CPM: variants seen among roughly 807,000 people sequenced by gnomAD.
CPM encodes the protein renal carboxypeptidase.
A neutral mutation model predicts 46.4 loss-of-function variants in CPM; 35 were observed. That is an observed-to-expected ratio of 0.75 (90% CI 0.58 to 1.00). The LOEUF (loss-of-function observed/expected upper bound fraction) is 1.00, where lower values mean the gene tolerates loss of function less well. Ranked by LOEUF, CPM falls within the 50% of genes least tolerant of loss-of-function variation. The pLI, the probability that CPM is intolerant of heterozygous loss-of-function variation, is 0.00. For missense variants in CPM, 422 were observed against 530.4 expected, an observed-to-expected ratio of 0.80 and a Z score of 2.01; for synonymous variants, 195 against 195.3, an observed-to-expected ratio of 1.00 and a Z score of 0.01.
At chr12:68,961,939 G>A (rs573518255) in intron 1 of CPM, among the ~76,000 whole-genome samples, 14 of 151,810 alleles carry the variant, frequency 9.2e-5, no homozygotes, top group Middle Eastern at 3.4e-3. Context: ...GGTGGCTCAT[G>A]TCTGTAATCC....
chr12:68,901,897 G>A (rs935434893), intron 2 of CPM, among the ~76,000 whole-genome samples: 2 of 152,114 alleles, frequency 1.3e-5, no homozygotes, highest in African/African-American at 4.8e-5. Context: ...GGGGAGAGGG[G>A]AGGGGATGGC....
intron 2 of CPM, among the ~76,000 whole-genome samples, chr12:68,915,455 C>T (rs768027761): frequency 6.6e-6 from 1 of 152,206 alleles, no homozygotes; most frequent in African/African-American, 2.4e-5. Context: ...TTTTCCCAGT[C>T]GCTTTACCTG....
chr12:68,943,258 G>A (rs1172690965), intron 1 of CPM, among the ~76,000 whole-genome samples: 1 of 152,112 alleles, frequency 6.6e-6, no homozygotes, highest in Non-Finnish European at 1.5e-5. Flanking sequence ...GCTAACTCAT[G>A]GTATTGATCT....
upstream of CPM, chr12:68,933,191 G>T (rs903976522): frequency 1.2e-5 from 2 of 160,318 alleles, no homozygotes; most frequent in South Asian, 3.7e-4. Flanking sequence ...CGGCGGGGCC[G>T]GGTGTTATAG....
chr12:68,892,961 T>C (rs940417769), intron 2 of CPM, among the ~76,000 whole-genome samples: 1 of 151,820 alleles, frequency 6.6e-6, no homozygotes, highest in African/African-American at 2.4e-5. Flanking sequence ...CACCTGGGCC[T>C]GTTGGAGGGT....
At chr12:68,943,565 A>G (rs1193098148) in intron 1 of CPM, among the ~76,000 whole-genome samples, 1 of 152,314 alleles carries the variant, frequency 6.6e-6, no homozygotes, top group African/African-American at 2.4e-5. Flanking sequence ...TTACAAAGCA[A>G]TTGTTACAAT....
In CPM at chr12:68,855,751, T is replaced by C. The variant is rs936386270; in HGVS notation, c.*686A>G. On this transcript the variant is annotated 3_prime_UTR_variant, in exon 9 of 9. Coordinates refer to ENST00000551568, the MANE Select transcript of CPM (RefSeq NM_198320.5). ...TTTGTTTGTTTGTTTTTGTTTTTTT[T>C]TTTTTGAGACAGAGTCTTACTCTGT... The C allele has an allele frequency of 2.0e-5, 3 of 151,944 alleles. No individual in the cohort carries two copies. In the East Asian group the frequency reaches 5.8e-4, roughly 29 times the overall value. The allele number at this position is 151,944 out of a possible 1,614,324, so 9.4% of individuals were successfully genotyped here.
At chr12:68,844,045 A>G (rs1259097510) in intron 5 of CPM, 1 of 206,848 alleles carries the variant, frequency 4.8e-6, no homozygotes, top group African/African-American at 2.3e-5. Flanking sequence ...AGTACACTTG[A>G]TATATGGAGG....
At chr12:68,890,260 T>C (rs1886600577) in intron 2 of CPM, among the ~76,000 whole-genome samples, 1 of 151,554 alleles carries the variant, frequency 6.6e-6, no homozygotes, top group Non-Finnish European at 1.5e-5. Context: ...AATGAATGCA[T>C]CCCTACAGGA....
At chr12:68,918,907 T>C (rs1887924074) in intron 2 of CPM, among the ~76,000 whole-genome samples, 1 of 152,226 alleles carries the variant, frequency 6.6e-6, no homozygotes, top group African/African-American at 2.4e-5. Context: ...TTTCCCATTA[T>C]TCTCAGAACA....
chr12:68,908,688 A>T (rs1409792858), intron 2 of CPM, among the ~76,000 whole-genome samples: 1 of 152,232 alleles, frequency 6.6e-6, no homozygotes, highest in Non-Finnish European at 1.5e-5. Context: ...TGAAAAGGGT[A>T]TAGAATATAT....
chr12:68,883,750 C>A (rs1373077201), intron 3 of CPM, among the ~76,000 whole-genome samples: 1 of 151,816 alleles, frequency 6.6e-6, no homozygotes, highest in African/African-American at 2.4e-5. Flanking sequence ...TCTGAAATGC[C>A]AGCAATAAAA....
chr12:68,951,911 C>T (rs555450240), intron 1 of CPM, among the ~76,000 whole-genome samples: 1 of 152,302 alleles, frequency 6.6e-6, no homozygotes, highest in South Asian at 2.1e-4. Context: ...AGCCAGATGC[C>T]ATCAGTTACA....
chr12:68,931,763 AAAAG>A (rs1287718409), intron 2 of CPM, among the ~76,000 whole-genome samples: 3,122 of 132,024 alleles, frequency 0.024, 66 homozygotes, highest in Non-Finnish European at 0.033. Context: ...AAAAAAAAAA[AAAAG>A]AAAGAAAGAA....
chr12:68,954,069 A>T (rs983501103), intron 1 of CPM, among the ~76,000 whole-genome samples: 3 of 152,276 alleles, frequency 2.0e-5, no homozygotes, highest in African/African-American at 7.2e-5. Context: ...CCACCCCATA[A>T]AGTTATTCAT....
chr12:68,844,439 C>T lies in CPM; in HGVS notation c.534-2110G>A, dbSNP rs1884087351. ...AAATGCTGTGTTCTCCCTGTCTTCT[C>T]TTAGGTCACATGGCAGCCTGGCCTA... On this transcript the variant is annotated intron_variant, in intron 5 of 5. Transcript: ENST00000551897. 1.3e-5 allele frequency: 3 copies of T among 228,132 alleles called. No individual in the cohort carries two copies. In the East Asian group the frequency reaches 1.9e-4, roughly 14 times the overall value. 14.1% of individuals were successfully genotyped at this position (228,132 alleles called of 1,614,324 possible). A position where few individuals can be genotyped will look rare whatever the true frequency, so the allele number is the denominator to read the frequency against.
chr12:68,870,072 G>T, intron 5 of CPM, 143 bp downstream of exon 5: 1 of 772,752 alleles, frequency 1.3e-6, no homozygotes, highest in Non-Finnish European at 2.0e-6. Context: ...CAGGAAGGAT[G>T]GCTAGAGTTG....
chr12:68,942,794 A>G (rs1035164893), intron 1 of CPM, among the ~76,000 whole-genome samples: 2 of 152,336 alleles, frequency 1.3e-5, no homozygotes, highest in Middle Eastern at 3.4e-3. Context: ...TTTGTACCAC[A>G]TTCTGTACTG....
At chr12:68,856,976 T>C (rs1165620293) in intron 8 of CPM, among the ~76,000 whole-genome samples, 1 of 152,118 alleles carries the variant, frequency 6.6e-6, no homozygotes, top group East Asian at 1.9e-4. Flanking sequence ...TCTGCCACCA[T>C]CCTTTTCGTG....
Sources: allele counts gnomAD v4.1 joint callset (sites outside exome capture counted in the v4.1 genomes callset), GRCh38; gene constraint gnomAD v4.1.1; transcripts MANE v1.5; gene names NCBI Gene and HGNC (gene_info 2026-07-23, HGNC 2026-07-21).